MEIS2: variants seen among roughly 807,000 people sequenced by gnomAD.
MEIS2 encodes the protein Meis homeobox 2, also known as homeobox protein Meis2.
A neutral mutation model predicts 58.6 loss-of-function variants in MEIS2; 9 were observed. That is an observed-to-expected ratio of 0.15 (90% CI 0.09 to 0.27). MEIS2 has a LOEUF of 0.27. Ranked by LOEUF, MEIS2 falls within the 10% of genes least tolerant of loss-of-function variation. The pLI is 1.00. For synonymous variants in MEIS2, 221 were observed against 228.4 expected (o/e 0.97, Z 0.29); for missense variants, 427 against 635.0 (o/e 0.67, Z 3.52).
chr15:37,044,987 C>T (rs546279179), intron 7 of MEIS2, among the ~76,000 whole-genome samples: 35 of 152,158 alleles, frequency 2.3e-4, no homozygotes, highest in Non-Finnish European at 4.1e-4. Context: ...AAAGAGATTC[C>T]CTGGCTTCTA....
intron 8 of MEIS2, among the ~76,000 whole-genome samples, chr15:37,034,178 A>G (rs2062050035): frequency 6.6e-6 from 1 of 152,214 alleles, no homozygotes; most frequent in Non-Finnish European, 1.5e-5. Flanking sequence ...CATTGCTCTG[A>G]CTAAATGTCC....
At chr15:36,959,951 G>A (rs1218391033) in intron 8 of MEIS2, among the ~76,000 whole-genome samples, 1 of 152,050 alleles carries the variant, frequency 6.6e-6, no homozygotes, top group Non-Finnish European at 1.5e-5. Context: ...AGTGCCTTAT[G>A]AGACTGAGTT....
chr15:37,099,583 C>T lies in MEIS2; in HGVS notation c.-117G>A. 2 of 1,450,200 alleles carry T rather than the reference C, an allele frequency of 1.4e-6. No individual in the cohort carries two copies. The highest frequency in any genetic ancestry group is 2.1e-5 in the Admixed American group (1 of 47,952). 89.8% of individuals were successfully genotyped at this position (1,450,200 alleles called of 1,614,324 possible). A position where few individuals can be genotyped will look rare whatever the true frequency, so the allele number is the denominator to read the frequency against. On this transcript the variant is annotated 5_prime_UTR_variant, in exon 1 of 12. Transcript: ENST00000561208. Reference sequence around the variant, plus strand: ...TTTTTTCCAAACCAAAGAGACTTCTCCCAATTCTCCAATATGCTATTTTTT... The same window carrying T: ...TTTTTTCCAAACCAAAGAGACTTCTTCCAATTCTCCAATATGCTATTTTTT...
intron 9 of MEIS2, among the ~76,000 whole-genome samples, chr15:36,945,750 C>A (rs1246050865): frequency 6.6e-6 from 1 of 151,962 alleles, no homozygotes; most frequent in Non-Finnish European, 1.5e-5. Context: ...GTGGGGCAAA[C>A]AGGACACAGG....
rs1381034463 is a variant in MEIS2 at position 37,053,114 on chromosome 15, C to T, written c.755-16155G>A. On this transcript the variant is annotated intron_variant, in intron 7 of 11. Coordinates refer to ENST00000561208, the MANE Select transcript of MEIS2 (RefSeq NM_170675.5). ...CCCAGGAAAGAAAGGAAGGGGTTTG[C>T]TTTCTCAGTAGGTTTATTCATATAC... 2.6e-5 allele frequency among the ~76,000 whole-genome samples: 4 copies of T among 152,272 alleles called. No homozygotes were observed. The East Asian group carries it at 7.7e-4, about 29-fold the overall frequency.
At chr15:36,974,283 C>G (rs920656249) in intron 8 of MEIS2, among the ~76,000 whole-genome samples, 1 of 152,126 alleles carries the variant, frequency 6.6e-6, no homozygotes, top group East Asian at 1.9e-4. Context: ...ATATTTCAAG[C>G]TCCTACATAG....
intron 8 of MEIS2, among the ~76,000 whole-genome samples, chr15:36,955,715 T>C (rs1015781141): frequency 2.6e-5 from 4 of 152,128 alleles, no homozygotes; most frequent in African/African-American, 9.7e-5. Context: ...GTAGTAAAAA[T>C]CCTTTGCTAT....
At chr15:37,074,290 T>C (rs1056224007) in intron 7 of MEIS2, among the ~76,000 whole-genome samples, 2 of 152,034 alleles carry the variant, frequency 1.3e-5, no homozygotes, top group South Asian at 4.1e-4. Context: ...TAAACTCTAA[T>C]GCCTAGTCAT....
chr15:36,926,153 TC>T (rs2057738158), intron 9 of MEIS2, among the ~76,000 whole-genome samples: 1 of 151,996 alleles, frequency 6.6e-6, no homozygotes, highest in Admixed American at 6.6e-5. Context: ...ATATTTCATT[TC>T]CTTTTTTTTT....
chr15:36,978,521 T>C (rs1295424446), intron 8 of MEIS2, among the ~76,000 whole-genome samples: 3 of 152,206 alleles, frequency 2.0e-5, no homozygotes, highest in East Asian at 1.9e-4. Flanking sequence ...TTTAAAATGC[T>C]AAGAAAATGT....
At chr15:36,913,733 GA>G (rs75337933) in intron 9 of MEIS2, among the ~76,000 whole-genome samples, 9,097 of 145,058 alleles carry the variant, frequency 0.063, 493 homozygotes, top group East Asian at 0.26. Flanking sequence ...CTCAGGGGGA[GA>G]AAAAAAAAAG....
At chr15:36,905,427 T>C (rs773003097) in intron 9 of MEIS2, among the ~76,000 whole-genome samples, 1 of 152,160 alleles carries the variant, frequency 6.6e-6, no homozygotes, top group Non-Finnish European at 1.5e-5. Context: ...TGCTTTAACC[T>C]ACATCACCCT....
chr15:36,960,998 T>C (rs916342360), intron 8 of MEIS2, among the ~76,000 whole-genome samples: 1 of 152,124 alleles, frequency 6.6e-6, no homozygotes, highest in Non-Finnish European at 1.5e-5. Context: ...CCCCACAGTT[T>C]TATCTTATCA....
chr15:37,045,859 A>G (rs2062644623), intron 7 of MEIS2, among the ~76,000 whole-genome samples: 1 of 152,214 alleles, frequency 6.6e-6, no homozygotes, highest in Non-Finnish European at 1.5e-5. Flanking sequence ...GTTTTCCGAC[A>G]TTAAAGAGAG....
At chr15:37,010,841 C>T (rs1030136559) in intron 8 of MEIS2, among the ~76,000 whole-genome samples, 14 of 152,208 alleles carry the variant, frequency 9.2e-5, no homozygotes, top group Admixed American at 3.9e-4. Flanking sequence ...ATCTCTACTT[C>T]CCTCACCCAA....
intron 7 of MEIS2, among the ~76,000 whole-genome samples, chr15:37,077,306 C>T (rs560762996): frequency 1.3e-5 from 2 of 152,124 alleles, no homozygotes; most frequent in Admixed American, 6.6e-5. Flanking sequence ...CTGATTATGG[C>T]GTTAAAACCA....
At chr15:36,925,313 C>T (rs1199085432) in intron 9 of MEIS2, among the ~76,000 whole-genome samples, 1 of 152,168 alleles carries the variant, frequency 6.6e-6, no homozygotes, top group Non-Finnish European at 1.5e-5. Flanking sequence ...GGGCAACGTC[C>T]TTACGAAGAG....
At chr15:37,095,467 T>C in intron 4 of MEIS2, 97 bp downstream of exon 4, 1 of 1,577,014 alleles carries the variant, frequency 6.3e-7, no homozygotes. Flanking sequence ...CAAAAGAGGG[T>C]TCTGTTCTAA....
chr15:36,936,397 A>G (rs1166528936), intron 9 of MEIS2, among the ~76,000 whole-genome samples: 2 of 152,054 alleles, frequency 1.3e-5, no homozygotes, highest in East Asian at 1.9e-4. Context: ...GGGTTTCACC[A>G]TGGTAGCCAG....
Sources: gnomAD v4.1 joint callset for allele counts (sites outside exome capture counted in the v4.1 genomes callset) on GRCh38, gnomAD v4.1.1 for gene constraint, MANE v1.5 for transcripts, NCBI Gene and HGNC (gene_info 2026-07-23, HGNC 2026-07-21) for gene names.